GRIA1: variants seen among roughly 807,000 people sequenced by gnomAD.
GRIA1 encodes the protein glutamate ionotropic receptor AMPA type subunit 1.
Under a neutral mutation model 99.2 loss-of-function variants are expected in GRIA1, and 31 were observed. The observed-to-expected ratio is 0.31, with a 90% CI of 0.23 to 0.42. The LOEUF is 0.42. Among genes scored for constraint, GRIA1 ranks in the 10% least tolerant of loss-of-function variants. The pLI is 1.00. For synonymous variants in GRIA1, 438 were observed against 432.4 expected, an observed-to-expected ratio of 1.01 and a Z score of -0.16; for missense variants, 782 against 1,157.5, an observed-to-expected ratio of 0.68 and a Z score of 4.71.
intron 2 of GRIA1, among the ~76,000 whole-genome samples, chr5:153,522,211 G>GT (rs1210215582): frequency 6.6e-6 from 1 of 152,184 alleles, no homozygotes; most frequent in Non-Finnish European, 1.5e-5. Context: ...TTGTGCCTCA[G>GT]TTTTCTCATT....
rs1763785953 is a variant in GRIA1 at position 153,770,204 on chromosome 5, T to C, written c.2059T>C (p.Tyr687His). 1 of 1,613,722 alleles carries C rather than the reference T, an allele frequency of 6.2e-7. No homozygotes were observed. The highest frequency in any genetic ancestry group is 1.3e-5 in the African/African-American group (1 of 74,890). ...KIAVFEKMWT[Y>H]MKSAEPSVFV... ...TGCTGTGTTTGAGAAGATGTGGACA[T>C]ACATGAAGTCAGCAGAGCCATCAGT... Residue 687 changes from tyrosine to histidine, a missense_variant, in exon 13 of 16, where the codon TAC becomes CAC. Tyr to His is a moderately conservative substitution (Grantham distance 83). This residue lies in a region of GRIA1 where 119 missense variants were observed against 326.6 expected (regional missense o/e 0.36). Transcript: ENST00000285900.
At chr5:153,575,411 G>A (rs1762446823) in intron 2 of GRIA1, among the ~76,000 whole-genome samples, 1 of 152,082 alleles carries the variant, frequency 6.6e-6, no homozygotes, top group Non-Finnish European at 1.5e-5. Context: ...GCCATCTTTA[G>A]GACCACCAAA....
intron 2 of GRIA1, among the ~76,000 whole-genome samples, chr5:153,528,670 G>C (rs1166949150): frequency 6.6e-6 from 1 of 152,172 alleles, no homozygotes; most frequent in Admixed American, 6.5e-5. Flanking sequence ...CACTCCTGTG[G>C]TTCCTGACTG....
intron 10 of GRIA1, among the ~76,000 whole-genome samples, chr5:153,703,781 ATC>A (rs1758695017): frequency 6.6e-6 from 1 of 152,140 alleles, no homozygotes; most frequent in Non-Finnish European, 1.5e-5. Context: ...CCAGTCTATG[ATC>A]TCTTATTAAA....
At chr5:153,574,664 G>C (rs1762386516) in intron 2 of GRIA1, among the ~76,000 whole-genome samples, 2 of 152,110 alleles carry the variant, frequency 1.3e-5, no homozygotes, top group Admixed American at 1.3e-4. Context: ...TTGATTATCT[G>C]TTGGTAGAAT....
At chr5:153,598,004 T>A (rs1358667663) in intron 2 of GRIA1, among the ~76,000 whole-genome samples, 1 of 152,022 alleles carries the variant, frequency 6.6e-6, no homozygotes, top group Non-Finnish European at 1.5e-5. Context: ...AAGGTGAAAC[T>A]CAGTCTCAAA....
At chr5:153,733,769 A>G (rs1761197966) in intron 11 of GRIA1, among the ~76,000 whole-genome samples, 1 of 152,208 alleles carries the variant, frequency 6.6e-6, no homozygotes, top group African/African-American at 2.4e-5. Context: ...GACAAAGGGC[A>G]TCATTATATA....
chr5:153,495,797 G>C (rs1328678201), intron 2 of GRIA1, among the ~76,000 whole-genome samples: 1 of 152,144 alleles, frequency 6.6e-6, no homozygotes, highest in African/African-American at 2.4e-5. Flanking sequence ...TTTGCTATTA[G>C]ATAACCTTTC....
chr5:153,792,727 C>T (rs1765376178), intron 13 of GRIA1, among the ~76,000 whole-genome samples: 1 of 152,150 alleles, frequency 6.6e-6, no homozygotes. Context: ...CTTTCTCTCT[C>T]TCTCTCCTTT....
intron 6 of GRIA1, among the ~76,000 whole-genome samples, chr5:153,675,696 C>T (rs779771232): frequency 6.6e-6 from 1 of 152,102 alleles, no homozygotes; most frequent in Non-Finnish European, 1.5e-5. Context: ...TTTAACTCTT[C>T]AATAATGAAG....
At chr5:153,492,190 C>T (rs1264117163) in intron 1 of GRIA1, 20 of 1,523,956 alleles carry the variant, frequency 1.3e-5, no homozygotes, top group Admixed American at 8.1e-5. Context: ...GATATTTTGT[C>T]GGGCATACAT....
intron 2 of GRIA1, among the ~76,000 whole-genome samples, chr5:153,572,670 A>G (rs1762214489): frequency 6.6e-6 from 1 of 152,078 alleles, no homozygotes; most frequent in South Asian, 2.1e-4. Flanking sequence ...TATTACCCTT[A>G]TTGCATGATT....
chr5:153,580,269 G>A (rs1338032794), intron 2 of GRIA1, among the ~76,000 whole-genome samples: 1 of 152,232 alleles, frequency 6.6e-6, no homozygotes, highest in African/African-American at 2.4e-5. Flanking sequence ...GGAGGTCTCT[G>A]TGACCTTGGG....
At chr5:153,654,234 T>G (rs1211399844) in intron 4 of GRIA1, among the ~76,000 whole-genome samples, 1 of 152,096 alleles carries the variant, frequency 6.6e-6, no homozygotes, top group Non-Finnish European at 1.5e-5. Flanking sequence ...GGTCAATGTA[T>G]AGGTTGGGGA....
intron 8 of GRIA1, among the ~76,000 whole-genome samples, chr5:153,695,290 G>A (rs1481753689): frequency 3.3e-5 from 5 of 152,116 alleles, no homozygotes; most frequent in African/African-American, 1.2e-4. Flanking sequence ...AATACCAAAG[G>A]AGAAAACTTT....
chr5:153,624,965 C>T (rs780781566), intron 2 of GRIA1, among the ~76,000 whole-genome samples: 2 of 152,198 alleles, frequency 1.3e-5, no homozygotes, highest in Non-Finnish European at 2.9e-5. Flanking sequence ...GACTCAGTAA[C>T]GTCTCCTGTG....
intron 2 of GRIA1, among the ~76,000 whole-genome samples, chr5:153,497,270 G>T (rs1004999549): frequency 6.6e-6 from 1 of 152,138 alleles, no homozygotes; most frequent in Admixed American, 6.5e-5. Context: ...GCATAGAGAA[G>T]ATATTTACTG....
At chr5:153,806,429 C>T (rs1367790744) in intron 15 of GRIA1, among the ~76,000 whole-genome samples, 1 of 152,060 alleles carries the variant, frequency 6.6e-6, no homozygotes, top group Non-Finnish European at 1.5e-5. Flanking sequence ...CTACACCTGG[C>T]TAATTTTTTG....
chr5:153,543,042 T>C (rs1425979850), intron 2 of GRIA1, among the ~76,000 whole-genome samples: 3 of 152,164 alleles, frequency 2.0e-5, no homozygotes, highest in Non-Finnish European at 2.9e-5. Context: ...TAGCATAGAG[T>C]ATGGGTCATA....
Sources: allele counts gnomAD v4.1 joint callset (sites outside exome capture counted in the v4.1 genomes callset), GRCh38; gene constraint gnomAD v4.1.1; regional missense constraint gnomAD v4.1.1; transcripts MANE v1.5; gene names NCBI Gene and HGNC (gene_info 2026-07-23, HGNC 2026-07-21).